Variants in PEBP4 observed in about 807,000 individuals in gnomAD.
PEBP4 encodes phosphatidylethanolamine-binding protein 4.
In PEBP4, 22 loss-of-function variants were observed where a neutral mutation model predicts 23.9. The observed-to-expected ratio is 0.92, with a 90% confidence interval of 0.66 to 1.31. PEBP4 has a LOEUF of 1.31. PEBP4 is among the 40% of genes most tolerant of loss of function. PEBP4 has a pLI of 0.00. For synonymous variants in PEBP4, 112 were observed against 99.3 expected (o/e 1.13, Z -0.76); for missense variants, 324 against 281.7 (o/e 1.15, Z -1.07).
chr8:22,862,701 A>G (rs971392690), intron 3 of PEBP4, among the ~76,000 whole-genome samples: 2 of 152,208 alleles, frequency 1.3e-5, no homozygotes, highest in African/African-American at 4.8e-5. Context: ...GAGGTTTCAA[A>G]AGGCTGAATA....
chr8:22,752,650 TG>T (rs1173569387), intron 4 of PEBP4, among the ~76,000 whole-genome samples: 1 of 152,258 alleles, frequency 6.6e-6, no homozygotes. Flanking sequence ...CCAGAAAGTC[TG>T]GGCTAGCTCT....
chr8:22,758,368 G>A (rs1230418480), intron 4 of PEBP4, among the ~76,000 whole-genome samples: 1 of 152,206 alleles, frequency 6.6e-6, no homozygotes, highest in Admixed American at 6.5e-5. Flanking sequence ...TTTGAGGCCT[G>A]GTGGGCCACA....
chr8:22,771,076 G>A (rs1403297576), intron 4 of PEBP4, among the ~76,000 whole-genome samples: 1 of 152,232 alleles, frequency 6.6e-6, no homozygotes, highest in African/African-American at 2.4e-5. Flanking sequence ...TGTTTAGGGT[G>A]TGCTAGTCAC....
intron 4 of PEBP4, among the ~76,000 whole-genome samples, chr8:22,751,632 G>GTGTGTGTGTGTGTGTCTC (rs1563204493): frequency 6.8e-4 from 4 of 5,918 alleles, no homozygotes; most frequent in Non-Finnish European, 5.0e-3. Flanking sequence ...GTGTGTCTCT[G>GTGTGTGTGTGTGTGTCTC]TGTGTGTGTG....
At chr8:22,866,017 C>G (rs982209290) in intron 3 of PEBP4, among the ~76,000 whole-genome samples, 1 of 152,202 alleles carries the variant, frequency 6.6e-6, no homozygotes, top group African/African-American at 2.4e-5. Flanking sequence ...CTCTCCCAAA[C>G]CCAGGGCGTC....
intron 3 of PEBP4, among the ~76,000 whole-genome samples, chr8:22,859,239 C>A (rs1373153500): frequency 6.6e-6 from 1 of 152,164 alleles, no homozygotes; most frequent in African/African-American, 2.4e-5. Flanking sequence ...GGAGCCTGCA[C>A]CCCAGGAGAA....
At chr8:22,857,652 G>C (rs1300834496) in intron 3 of PEBP4, among the ~76,000 whole-genome samples, 1 of 152,218 alleles carries the variant, frequency 6.6e-6, no homozygotes, top group Non-Finnish European at 1.5e-5. Context: ...AGCAAAGAGA[G>C]TTGATTCTGG....
At chr8:22,793,695 G>T (rs772373661) in intron 4 of PEBP4, among the ~76,000 whole-genome samples, 1 of 152,034 alleles carries the variant, frequency 6.6e-6, no homozygotes, top group Non-Finnish European at 1.5e-5. Context: ...TAGCATTGTG[G>T]ATGAATTTTT....
chr8:22,747,794 C>T (rs548064664), intron 4 of PEBP4, among the ~76,000 whole-genome samples: 1 of 152,330 alleles, frequency 6.6e-6, no homozygotes, highest in African/African-American at 2.4e-5. Context: ...CGATGGACTT[C>T]CTTCCTCTTT....
At position 22,749,805 on chromosome 8, in the gene PEBP4, C is replaced by CT. The variant is rs71206545; in HGVS notation, c.358-22586dup. Among the ~76,000 whole-genome samples, 565 of 83,760 alleles carry CT rather than the reference C, an allele frequency of 6.7e-3. 45 individuals are homozygous for CT. The highest frequency in any genetic ancestry group is 0.018 in the African/African-American group (477 of 25,798). The allele number at this position is 83,760 out of a possible 152,430, so 54.9% of individuals were successfully genotyped here. A position where few individuals can be genotyped will look rare whatever the true frequency, so the allele number is the denominator to read the frequency against. ...CTCTCCTGATTCTCAGTTTGTCATT[C>CT]TTTTTTTTTTTTTTTTTTGAGATGG... is the stretch of plus-strand genomic sequence containing the variant. On this transcript the variant is annotated intron_variant, in intron 4 of 6. Transcript: ENST00000256404.
chr8:22,911,309 C>T (rs988534415), intron 3 of PEBP4, among the ~76,000 whole-genome samples: 3 of 152,028 alleles, frequency 2.0e-5, no homozygotes, highest in Non-Finnish European at 4.4e-5. Context: ...CCCTCAAAGT[C>T]GGGATCCTAT....
intron 3 of PEBP4, among the ~76,000 whole-genome samples, chr8:22,836,220 T>C (rs1036879624): frequency 1.3e-5 from 2 of 152,236 alleles, no homozygotes; most frequent in African/African-American, 4.8e-5. Flanking sequence ...AATTAATACA[T>C]GGCTCAGAAT....
chr8:22,723,490 C>G (rs1250018801), intron 6 of PEBP4, among the ~76,000 whole-genome samples: 1 of 152,040 alleles, frequency 6.6e-6, no homozygotes, highest in Non-Finnish European at 1.5e-5. Context: ...ATGGTGATCC[C>G]GGAGTCTCAT....
intron 3 of PEBP4, among the ~76,000 whole-genome samples, chr8:22,818,200 T>G (rs1027247656): frequency 4.6e-5 from 7 of 152,210 alleles, no homozygotes; most frequent in African/African-American, 1.7e-4. Flanking sequence ...TCAACAAGCC[T>G]TTGCTGAACA....
chr8:22,939,907 C>A (rs1208888258), intron 1 of PEBP4, among the ~76,000 whole-genome samples: 1 of 152,174 alleles, frequency 6.6e-6, no homozygotes, highest in Non-Finnish European at 1.5e-5. Flanking sequence ...TCTCAGCAAT[C>A]AACAGTTGAC....
At chr8:22,820,518 CT>C (rs2128762388) in intron 3 of PEBP4, among the ~76,000 whole-genome samples, 2 of 152,284 alleles carry the variant, frequency 1.3e-5, no homozygotes, top group South Asian at 4.1e-4. Flanking sequence ...TAAATGCTTT[CT>C]GATGTTCTAA....
chr8:22,797,660 C>T (rs1255776969), intron 4 of PEBP4, among the ~76,000 whole-genome samples: 3 of 152,170 alleles, frequency 2.0e-5, no homozygotes, highest in African/African-American at 4.8e-5. Flanking sequence ...GTGGAGGAGG[C>T]TGCTGGTAGA....
At chr8:22,903,439 T>C (rs968057702) in intron 3 of PEBP4, among the ~76,000 whole-genome samples, 9 of 152,236 alleles carry the variant, frequency 5.9e-5, no homozygotes, top group African/African-American at 2.2e-4. Context: ...AGGCAGGGGA[T>C]TGAAAGACGA....
In PEBP4 at chr8:22,881,264, C is replaced by A. The variant is rs528858411; in HGVS notation, c.258+38920G>T. On this transcript the variant is annotated intron_variant, in intron 3 of 6. Transcript: ENST00000256404. ...CCATCCAGCCTAAGGGCGGTAGTTG[C>A]TCATTTTGGGGTGCCTCTCACCCTC... Among the ~76,000 whole-genome samples, 4 of 152,320 alleles carry A rather than the reference C, an allele frequency of 2.6e-5. No individual in the cohort carries two copies. In the East Asian group the frequency reaches 7.7e-4, roughly 29 times the overall value.
Sources: gnomAD v4.1 joint callset for allele counts (sites outside exome capture counted in the v4.1 genomes callset) on GRCh38, gnomAD v4.1.1 for gene constraint, MANE v1.5 for transcripts, NCBI Gene and HGNC (gene_info 2026-07-23, HGNC 2026-07-21) for gene names.